The following FAM227A variants were observed in gnomAD, a reference collection of about 807,000 sequenced individuals.
The protein encoded by FAM227A is protein FAM227A.
FAM227A carries 80 observed loss-of-function variants against 74.7 expected under a neutral mutation model. The observed-to-expected ratio is 1.07, with a 90% confidence interval of 0.89 to 1.29. FAM227A has a LOEUF of 1.29. Ranked by LOEUF, FAM227A falls within the 50% of genes most tolerant of loss-of-function variation. FAM227A has a pLI of 0.00. For missense variants in FAM227A, 654 were observed against 683.4 expected (o/e 0.96, Z 0.48); for synonymous variants, 237 against 241.8 (o/e 0.98, Z 0.19).
chr22:38,588,357 G>A (rs1383450946), intron 16 of FAM227A, among the ~76,000 whole-genome samples: 2 of 152,122 alleles, frequency 1.3e-5, no homozygotes, highest in Non-Finnish European at 1.5e-5. Flanking sequence ...GGTGGCTCAT[G>A]CCTGTAATCC....
At position 38,623,295 on chromosome 22, in the gene FAM227A, A is replaced by G; in HGVS notation, c.851-16T>C. 1 of 1,527,564 alleles carries G rather than the reference A, an allele frequency of 6.5e-7. No individual in the cohort carries two copies. The highest frequency in any genetic ancestry group is 1.2e-5 in the South Asian group (1 of 83,554). 94.6% of individuals were successfully genotyped at this position (1,527,564 alleles called of 1,614,324 possible). On this transcript the variant is annotated splice_polypyrimidine_tract_variant and intron_variant, in intron 9 of 16. Coordinates refer to ENST00000535113, the MANE Select transcript of FAM227A (RefSeq NM_001013647.2). ...GGATAGGTGCCTAAGGGAGGAGTCA[A>G]GAGTGAGAATGGGGCCGGGTGCGGT...
chr22:38,632,951 A>G (rs896181748), intron 6 of FAM227A, among the ~76,000 whole-genome samples: 2 of 152,240 alleles, frequency 1.3e-5, no homozygotes, highest in Admixed American at 1.3e-4. Flanking sequence ...TGAAGCCAGC[A>G]TATGTGGACA....
At chr22:38,591,120 G>C (rs776547582) in intron 16 of FAM227A, among the ~76,000 whole-genome samples, 7 of 151,950 alleles carry the variant, frequency 4.6e-5, no homozygotes, top group Non-Finnish European at 8.8e-5. Flanking sequence ...TGTGTTTTAA[G>C]AATTTTCCAG....
intron 9 of FAM227A, among the ~76,000 whole-genome samples, chr22:38,625,406 A>C (rs1374253678): frequency 1.3e-5 from 2 of 151,480 alleles, no homozygotes; most frequent in Non-Finnish European, 2.9e-5. Context: ...AAAAAAAAGA[A>C]AGAAAGAAAA....
At chr22:38,655,468 T>C (rs1363673344) in intron 1 of FAM227A, among the ~76,000 whole-genome samples, 2 of 151,446 alleles carry the variant, frequency 1.3e-5, no homozygotes, top group Non-Finnish European at 2.9e-5. Context: ...GAGGCCGAGA[T>C]CATGCCACTG....
intron 14 of FAM227A, 42 bp downstream of exon 14, chr22:38,599,722 G>T: frequency 6.6e-7 from 1 of 1,513,784 alleles, no homozygotes; most frequent in African/African-American, 1.4e-5. Flanking sequence ...AGGACGCGGG[G>T]GCCTGGAGCA....
At chr22:38,626,076 T>G (rs2091792967) in intron 9 of FAM227A, 104 bp downstream of exon 9, 6 of 1,138,172 alleles carry the variant, frequency 5.3e-6, no homozygotes, top group African/African-American at 1.6e-5. Flanking sequence ...AAAGAGAGAA[T>G]GCCTTCATGA....
chr22:38,615,743 A>T (rs1402349014), intron 11 of FAM227A, among the ~76,000 whole-genome samples: 1 of 152,180 alleles, frequency 6.6e-6, no homozygotes, highest in Non-Finnish European at 1.5e-5. Context: ...TGGAGGTTTT[A>T]AGCAGGGAAT....
rs568495802 is a variant in FAM227A, at chr22:38,620,269, A to C, written c.981T>G (p.Ala327=). The C allele has an allele frequency of 7.7e-6, 12 of 1,551,346 alleles. No homozygotes were observed. In the African/African-American group the frequency reaches 1.5e-4, roughly 19 times the overall value. The change falls in exon 11 of 17, where the codon GCT becomes GCG. Residue 327 remains alanine (A), a synonymous_variant. Transcript: ENST00000535113. The stretch of plus-strand genomic sequence containing the variant: ...GCTTCTGGGAGAAGGCTCTCTTACC[A>C]GCAAACAAAGAAAACTCTCTCCCTA... ...LTKGREFSLF[A]GKRAFSQKPA...
intron 13 of FAM227A, among the ~76,000 whole-genome samples, chr22:38,602,984 C>G (rs573775716): frequency 1.0e-3 from 156 of 152,282 alleles, no homozygotes; most frequent in African/African-American, 3.7e-3. Context: ...AGCAATTCTC[C>G]TGCCTCAGCC....
At chr22:38,635,655 A>C (rs1192977347) in intron 6 of FAM227A, among the ~76,000 whole-genome samples, 1 of 152,180 alleles carries the variant, frequency 6.6e-6, no homozygotes, top group Non-Finnish European at 1.5e-5. Context: ...ACTCACCCCC[A>C]GAGGCATGAG....
In FAM227A at chr22:38,607,487, C is replaced by CAA; in HGVS notation, c.1039-13_1039-12dup. 1 of 1,524,480 alleles carries CAA rather than the reference C, an allele frequency of 6.6e-7. No homozygotes were observed. The highest frequency in any genetic ancestry group is 1.2e-5 in the South Asian group (1 of 83,410). 94.4% of individuals were successfully genotyped at this position (1,524,480 alleles called of 1,614,324 possible). On this transcript the variant is annotated splice_polypyrimidine_tract_variant and intron_variant, in intron 11 of 16. Transcript: ENST00000535113. ...ATTTGCACTAGAAGACTTCAGGAGA[C>CAA]AAGAGAGAGAAAGAGAGGGAGAAAG...
intron 5 of FAM227A, 61 bp downstream of exon 5, chr22:38,638,685 A>T: frequency 8.0e-7 from 1 of 1,251,612 alleles, no homozygotes; most frequent in Non-Finnish European, 1.1e-6. Flanking sequence ...CCAGGAATAA[A>T]ATCTTTATTT....
intron 2 of FAM227A, 98 bp from the exon 3 acceptor site, chr22:38,645,743 C>A: frequency 1.5e-6 from 1 of 679,094 alleles, no homozygotes; most frequent in Non-Finnish European, 2.5e-6. Flanking sequence ...TCTGCACAGC[C>A]TCTCTCCTTA....
chr22:38,607,590 T>C, intron 11 of FAM227A, 114 bp from the exon 12 acceptor site: 1 of 761,256 alleles, frequency 1.3e-6, no homozygotes, highest in Non-Finnish European at 2.2e-6. Context: ...TTGCTATTTC[T>C]TACTGTTCTC....
chr22:38,630,284 C>A (rs913726275), intron 6 of FAM227A, among the ~76,000 whole-genome samples: 16 of 152,238 alleles, frequency 1.1e-4, no homozygotes, highest in African/African-American at 3.6e-4. Flanking sequence ...GATAAACGAG[C>A]CTCATCCACT....
chr22:38,585,763 C>T lies in FAM227A; in HGVS notation c.*362G>A, dbSNP rs1350285700. On this transcript the variant is annotated 3_prime_UTR_variant, in exon 17 of 17. Transcript: ENST00000535113. ...TGTCTACAGCAGAGAACTTCGGAAA[C>T]CTTTCTAAACCTGGGCTTGCTGCTG... 2.9e-6 allele frequency: 1 copy of T among 349,222 alleles called. No homozygotes were observed. The highest frequency in any genetic ancestry group is 5.3e-6 in the Non-Finnish European group (1 of 190,262). The allele number at this position is 349,222 out of a possible 1,614,324, so 21.6% of individuals were successfully genotyped here.
At chr22:38,642,588 C>T (rs192002433) in intron 3 of FAM227A, among the ~76,000 whole-genome samples, 62 of 152,278 alleles carry the variant, frequency 4.1e-4, no homozygotes, top group Admixed American at 3.8e-3. Flanking sequence ...AGTGACAAGT[C>T]ACATATTAGG....
intron 6 of FAM227A, among the ~76,000 whole-genome samples, chr22:38,629,757 A>G (rs1198953292): frequency 1.9e-4 from 1 of 5,224 alleles, no homozygotes; most frequent in Admixed American, 2.2e-3. Context: ...CTTCTTTACC[A>G]TCACTCACAC....
Sources: allele counts gnomAD v4.1 joint callset (sites outside exome capture counted in the v4.1 genomes callset), GRCh38; gene constraint gnomAD v4.1.1; transcripts MANE v1.5; gene names NCBI Gene and HGNC (gene_info 2026-07-23, HGNC 2026-07-21).